PDE4D: variants seen among roughly 807,000 people sequenced by gnomAD.
The protein encoded by PDE4D is phosphodiesterase 4D.
In PDE4D, 24 loss-of-function variants were observed where a neutral mutation model predicts 87.4. That is an observed-to-expected ratio of 0.27 (90% CI 0.20 to 0.39). PDE4D has a LOEUF of 0.39. PDE4D is among the 10% of genes least tolerant of loss of function. The pLI, the probability that PDE4D is intolerant of heterozygous loss-of-function variation, is 1.00. For synonymous variants in PDE4D, 384 were observed against 383.2 expected (o/e 1.00, Z -0.02); for missense variants, 714 against 1,041.0 (o/e 0.69, Z 4.32).
chr5:58,990,468 A>AT (rs1170338562), intron 9 of PDE4D, among the ~76,000 whole-genome samples: 3 of 152,038 alleles, frequency 2.0e-5, no homozygotes, highest in Non-Finnish European at 4.4e-5. Flanking sequence ...GGCTTTATTC[A>AT]TTTTTTTTAA....
At chr5:59,877,052 A>G (rs1748703009) in intron 1 of PDE4D, among the ~76,000 whole-genome samples, 1 of 152,204 alleles carries the variant, frequency 6.6e-6, no homozygotes, top group African/African-American at 2.4e-5. Context: ...CTTTGCTTAT[A>G]CCATATTTAC....
At chr5:59,583,093 G>A (rs1824467339) in intron 1 of PDE4D, among the ~76,000 whole-genome samples, 1 of 152,096 alleles carries the variant, frequency 6.6e-6, no homozygotes, top group African/African-American at 2.4e-5. Flanking sequence ...CTCCTAAATT[G>A]TTTAGCTATG....
chr5:60,020,664 C>T (rs1765956641), intron 2 of PDE4D, among the ~76,000 whole-genome samples: 1 of 152,188 alleles, frequency 6.6e-6, no homozygotes, highest in Admixed American at 6.5e-5. Flanking sequence ...AATTTCCAGC[C>T]CAGACCAACC....
At chr5:60,179,428 A>T (rs1441729904) in intron 2 of PDE4D, among the ~76,000 whole-genome samples, 3 of 152,120 alleles carry the variant, frequency 2.0e-5, no homozygotes, top group Non-Finnish European at 4.4e-5. Context: ...TATTGAACAC[A>T]ATTGATTATT....
intron 5 of PDE4D, among the ~76,000 whole-genome samples, chr5:59,070,238 A>G (rs1018758521): frequency 3.3e-5 from 5 of 152,162 alleles, no homozygotes; most frequent in African/African-American, 1.2e-4. Flanking sequence ...AGAGTGATCA[A>G]TTTTTAAATT....
chr5:59,052,182 C>T (rs920991461), intron 5 of PDE4D, among the ~76,000 whole-genome samples: 2 of 152,046 alleles, frequency 1.3e-5, no homozygotes, highest in Non-Finnish European at 2.9e-5. Context: ...TACTGTAGTT[C>T]GAGCAGGGAG....
At chr5:60,277,452 C>T (rs375231581) in intron 1 of PDE4D, among the ~76,000 whole-genome samples, 1 of 152,188 alleles carries the variant, frequency 6.6e-6, no homozygotes, top group Non-Finnish European at 1.5e-5. Flanking sequence ...TTTCTTTACA[C>T]CAATAATGAT....
intron 1 of PDE4D, among the ~76,000 whole-genome samples, chr5:60,207,853 T>C (rs1742733383): frequency 6.6e-6 from 1 of 152,216 alleles, no homozygotes; most frequent in Non-Finnish European, 1.5e-5. Flanking sequence ...GACCTAGGAC[T>C]CTTACTCATT....
At chr5:59,646,287 T>C (rs1013934373) in intron 1 of PDE4D, among the ~76,000 whole-genome samples, 4 of 152,196 alleles carry the variant, frequency 2.6e-5, no homozygotes, top group Admixed American at 6.5e-5. Context: ...TCAACTACCA[T>C]AGTTTCCCTG....
At chr5:59,071,544 G>GTTTT (rs11401918) in intron 5 of PDE4D, among the ~76,000 whole-genome samples, 4 of 140,650 alleles carry the variant, frequency 2.8e-5, no homozygotes, top group African/African-American at 1.0e-4. Context: ...TCTCTGAGTT[G>GTTTT]TTTTTTTTTT....
intron 1 of PDE4D, among the ~76,000 whole-genome samples, chr5:60,325,060 T>C (rs963805643): frequency 7.9e-5 from 12 of 152,170 alleles, no homozygotes; most frequent in African/African-American, 1.2e-4. Context: ...AAGAATTGCA[T>C]TGGGGCAGTC....
intron 1 of PDE4D, among the ~76,000 whole-genome samples, chr5:60,410,777 C>A (rs956805145): frequency 2.6e-5 from 4 of 152,182 alleles, no homozygotes; most frequent in African/African-American, 9.7e-5. Context: ...TCATGCTTGG[C>A]CACTGCAGGT....
intron 3 of PDE4D, among the ~76,000 whole-genome samples, chr5:59,972,604 C>T (rs1031666446): frequency 1.3e-5 from 2 of 152,130 alleles, no homozygotes; most frequent in Admixed American, 6.5e-5. Context: ...GGAGACCAAG[C>T]AAAAATAACT....
chr5:59,243,261 C>T (rs930530855), intron 1 of PDE4D, among the ~76,000 whole-genome samples: 2 of 151,942 alleles, frequency 1.3e-5, no homozygotes, highest in African/African-American at 2.4e-5. Flanking sequence ...TGCTTTTGAC[C>T]AGCTTTAGAA....
chr5:59,686,980 C>T (rs553927626), intron 1 of PDE4D, among the ~76,000 whole-genome samples: 1 of 152,214 alleles, frequency 6.6e-6, no homozygotes, highest in South Asian at 2.1e-4. Flanking sequence ...CCTTTGGTTA[C>T]TCATTTTGGT....
At chr5:59,097,760 A>G (rs1332253718) in intron 5 of PDE4D, among the ~76,000 whole-genome samples, 2 of 152,220 alleles carry the variant, frequency 1.3e-5, no homozygotes, top group Non-Finnish European at 2.9e-5. Flanking sequence ...ATAAATGTTT[A>G]CTGATAAAAT....
At chr5:59,016,525 C>T (rs1268370215) in intron 6 of PDE4D, among the ~76,000 whole-genome samples, 1 of 151,444 alleles carries the variant, frequency 6.6e-6, no homozygotes. Context: ...TTGTAATGTA[C>T]AGCAGCTTCA....
intron 1 of PDE4D, among the ~76,000 whole-genome samples, chr5:59,839,384 A>T (rs574306222): frequency 6.6e-6 from 1 of 151,772 alleles, no homozygotes; most frequent in African/African-American, 2.4e-5. Context: ...CCTGGTTGAT[A>T]TTACTCAGTT....
At chr5:59,505,397 C>T (rs1454511157) in intron 1 of PDE4D, among the ~76,000 whole-genome samples, 1 of 152,164 alleles carries the variant, frequency 6.6e-6, no homozygotes, top group African/African-American at 2.4e-5. Context: ...ATTAGATTGG[C>T]CTCTTGCAGT....
Sources: gnomAD v4.1 joint callset for allele counts (sites outside exome capture counted in the v4.1 genomes callset) on GRCh38, gnomAD v4.1.1 for gene constraint, MANE v1.5 for transcripts, NCBI Gene and HGNC (gene_info 2026-07-23, HGNC 2026-07-21) for gene names.